SNTG1: variants seen among roughly 807,000 people sequenced by gnomAD.
SNTG1 encodes the protein syntrophin gamma 1.
A neutral mutation model predicts 74.7 loss-of-function variants in SNTG1; 39 were observed. The ratio of observed to expected loss-of-function variants is 0.52; its 90% CI spans 0.40 to 0.68. SNTG1 has a LOEUF of 0.68. Ranked by LOEUF, SNTG1 falls within the 30% of genes least tolerant of loss-of-function variation. SNTG1 has a pLI of 0.00. For missense variants in SNTG1, 685 were observed against 609.5 expected (o/e 1.12, Z -1.30); for synonymous variants, 254 against 217.1 (o/e 1.17, Z -1.49).
At chr8:50,769,124 T>C (rs1412896199) in intron 18 of SNTG1, among the ~76,000 whole-genome samples, 1 of 151,830 alleles carries the variant, frequency 6.6e-6, no homozygotes, top group Non-Finnish European at 1.5e-5. Context: ...GAATAGTGAA[T>C]TTCTCTACCC....
At chr8:50,451,337 A>T (rs2093455278) in intron 8 of SNTG1, among the ~76,000 whole-genome samples, 1 of 152,110 alleles carries the variant, frequency 6.6e-6, no homozygotes. Flanking sequence ...TATATAAGGG[A>T]CTTGAGCATC....
intron 2 of SNTG1, among the ~76,000 whole-genome samples, chr8:50,334,512 A>G (rs2091075164): frequency 6.7e-6 from 1 of 149,140 alleles, no homozygotes; most frequent in South Asian, 2.1e-4. Flanking sequence ...TGCTAAAAAA[A>G]AAAAAAAGGA....
intron 1 of SNTG1, among the ~76,000 whole-genome samples, chr8:50,130,107 T>C (rs1170548488): frequency 6.6e-6 from 1 of 152,132 alleles, no homozygotes; most frequent in Admixed American, 6.6e-5. Flanking sequence ...AAACTATAAG[T>C]TTAAAACTCT....
chr8:50,146,730 A>G (rs888273757), intron 1 of SNTG1, among the ~76,000 whole-genome samples: 2 of 152,176 alleles, frequency 1.3e-5, no homozygotes, highest in Non-Finnish European at 2.9e-5. Context: ...GTTTTGTTTA[A>G]TTTTAGATAT....
At chr8:50,601,929 T>G (rs1005027180) in intron 13 of SNTG1, among the ~76,000 whole-genome samples, 1 of 152,194 alleles carries the variant, frequency 6.6e-6, no homozygotes, top group Non-Finnish European at 1.5e-5. Flanking sequence ...GGTATAAGTA[T>G]AGCTACTTCT....
At chr8:50,452,843 CT>C (rs1473741722) in intron 8 of SNTG1, among the ~76,000 whole-genome samples, 1 of 152,112 alleles carries the variant, frequency 6.6e-6, no homozygotes, top group East Asian at 1.9e-4. Context: ...AGACTTACAC[CT>C]CAGTAGAACA....
At chr8:49,928,597 G>A (rs1007680099) in intron 1 of SNTG1, among the ~76,000 whole-genome samples, 25 of 152,052 alleles carry the variant, frequency 1.6e-4, no homozygotes, top group African/African-American at 5.1e-4. Context: ...TAGTAGGCTA[G>A]GTTGTGGGTG....
chr8:49,982,944 A>G (rs1340532385), intron 1 of SNTG1, among the ~76,000 whole-genome samples: 2 of 152,202 alleles, frequency 1.3e-5, no homozygotes, highest in Non-Finnish European at 1.5e-5. Flanking sequence ...TTGATTTTTA[A>G]AAAGCATTAA....
At chr8:50,343,042 AAAAC>A (rs2091364991) in intron 2 of SNTG1, among the ~76,000 whole-genome samples, 1 of 152,210 alleles carries the variant, frequency 6.6e-6, no homozygotes, top group South Asian at 2.1e-4. Flanking sequence ...TCAAAACCAG[AAAAC>A]AAACAGAGAT....
intron 17 of SNTG1, among the ~76,000 whole-genome samples, chr8:50,744,067 G>A (rs781441984): frequency 3.3e-5 from 5 of 151,920 alleles, no homozygotes; most frequent in South Asian, 2.1e-4. Context: ...CAAGCCATTC[G>A]TGGGTGCAGA....
rs1171275660 is a variant in SNTG1 at position 50,679,273 on chromosome 8, G to A, written c.1038+20610G>A. On this transcript the variant is annotated intron_variant, in intron 15 of 18. Transcript: ENST00000642720. ...TAGTTGTTGTATGTCTAATTAACAT[G>A]GATTACTGAATTAGTTGGTCAAGAG... is the stretch of plus-strand genomic sequence containing the variant. 2.6e-5 allele frequency among the ~76,000 whole-genome samples: 4 copies of A among 152,084 alleles called. No individual in the cohort carries two copies. The East Asian group carries it at 7.8e-4, about 30-fold the overall frequency.
chr8:50,086,857 T>C (rs1822933805), intron 1 of SNTG1, among the ~76,000 whole-genome samples: 1 of 152,184 alleles, frequency 6.6e-6, no homozygotes, highest in African/African-American at 2.4e-5. Flanking sequence ...GAATATCTGC[T>C]TAAAAAGCAC....
intron 2 of SNTG1, among the ~76,000 whole-genome samples, chr8:50,208,112 G>T (rs542581274): frequency 3.9e-4 from 59 of 152,248 alleles, no homozygotes; most frequent in Non-Finnish European, 1.6e-4. Context: ...TTCAATTCCT[G>T]GATATCCTTC....
At chr8:50,100,260 G>C (rs1311018277) in intron 1 of SNTG1, among the ~76,000 whole-genome samples, 1 of 152,024 alleles carries the variant, frequency 6.6e-6, no homozygotes, top group Non-Finnish European at 1.5e-5. Flanking sequence ...GTGGTTACTA[G>C]AGGTTGTGAA....
At chr8:50,238,201 G>C (rs2086002497) in intron 2 of SNTG1, among the ~76,000 whole-genome samples, 1 of 151,868 alleles carries the variant, frequency 6.6e-6, no homozygotes, top group Non-Finnish European at 1.5e-5. Context: ...CTAAGCAAAA[G>C]GAACAAAACT....
intron 12 of SNTG1, among the ~76,000 whole-genome samples, chr8:50,572,258 T>TTATATA (rs778113467): frequency 5.4e-5 from 5 of 93,098 alleles, no homozygotes; most frequent in South Asian, 2.9e-4. Context: ...ATCACCTATT[T>TTATATA]TATATATATA....
chr8:50,299,389 G>A (rs2089540283), intron 2 of SNTG1, among the ~76,000 whole-genome samples: 1 of 151,968 alleles, frequency 6.6e-6, no homozygotes, highest in African/African-American at 2.4e-5. Context: ...AAGAAAGAAG[G>A]GGGAAAAAGA....
chr8:50,399,953 T>C (rs1309564219), intron 3 of SNTG1, among the ~76,000 whole-genome samples: 1 of 152,180 alleles, frequency 6.6e-6, no homozygotes, highest in East Asian at 1.9e-4. Context: ...GCTTCTGTTT[T>C]TCCTAAAAAA....
intron 1 of SNTG1, among the ~76,000 whole-genome samples, chr8:49,923,548 C>T (rs1806744932): frequency 6.6e-6 from 1 of 152,086 alleles, no homozygotes; most frequent in South Asian, 2.1e-4. Context: ...ATTACTCAGC[C>T]TTTTCACGTT....
Sources: gnomAD v4.1 joint callset for allele counts (sites outside exome capture counted in the v4.1 genomes callset) on GRCh38, gnomAD v4.1.1 for gene constraint, MANE v1.5 for transcripts, NCBI Gene and HGNC (gene_info 2026-07-23, HGNC 2026-07-21) for gene names.